The following P4HB variants were observed in gnomAD, a reference collection of about 807,000 sequenced individuals.
The protein encoded by P4HB is prolyl 4-hydroxylase subunit beta, also known as protein disulfide-isomerase.
Under a neutral mutation model 52.6 loss-of-function variants are expected in P4HB, and 20 were observed. The observed-to-expected ratio is 0.38, with a 90% CI of 0.27 to 0.55. The LOEUF is 0.55. Ranked by LOEUF, P4HB falls within the 20% of genes least tolerant of loss-of-function variation. The pLI is 0.74. For missense variants in P4HB, 601 were observed against 669.2 expected, an observed-to-expected ratio of 0.90 and a Z score of 1.12; for synonymous variants, 296 against 277.9, an observed-to-expected ratio of 1.07 and a Z score of -0.65.
intron 9 of P4HB, 130 bp from the exon 10 acceptor site, chr17:81,845,360 T>C (rs2038717658): frequency 1.1e-6 from 1 of 896,186 alleles, no homozygotes. Context: ...TCCAGCACAT[T>C]GGGAGTTCAA....
Position 81,859,563 on chromosome 17 carries a change from T to C in P4HB, c.146-176A>G, listed in dbSNP as rs2038964911. ...CTGATAGCCTGGTGTTCTTGGGCAA[T>C]ATCAGGACAGAGGCCGTGAACGACA... On this transcript the variant is annotated intron_variant, in intron 1 of 10. Transcript: ENST00000331483. 11 of 615,666 alleles carry C rather than the reference T, an allele frequency of 1.8e-5. No individual in the cohort carries two copies. In the South Asian group the frequency reaches 2.2e-4, roughly 12 times the overall value. The allele number at this position is 615,666 out of a possible 1,614,324, so 38.1% of individuals were successfully genotyped here. A position where few individuals can be genotyped will look rare whatever the true frequency, so the allele number is the denominator to read the frequency against.
intron 2 of P4HB, among the ~76,000 whole-genome samples, chr17:81,856,409 C>T (rs886996774): frequency 8.9e-5 from 13 of 146,832 alleles, no homozygotes; most frequent in Admixed American, 2.1e-4. Context: ...GTGATCTCGG[C>T]TCACTGCAAC....
At position 81,846,718 on chromosome 17, in the gene P4HB, G is replaced by A. The variant is rs1471039872; in HGVS notation, c.856-89C>T. ...TTTGCTCGGAAGCAGACCGTGCTCC[G>A]GTGCCTTTTTCCTCCAACCTGGATT... On this transcript the variant is annotated intron_variant, in intron 6 of 10. Transcript: ENST00000331483. The surrounding 1 kb of genome is among the most constrained non-coding windows in gnomAD (Gnocchi z 5.7). The A allele has an allele frequency of 1.2e-5, 16 of 1,381,106 alleles. No homozygotes were observed. Among genetic ancestry groups the A allele is most frequent in the South Asian group, 2.4e-5 (2 of 83,472 alleles). The allele number at this position is 1,381,106 out of a possible 1,614,324, so 85.6% of individuals were successfully genotyped here. A position where few individuals can be genotyped will look rare whatever the true frequency, so the allele number is the denominator to read the frequency against.
chr17:81,858,148 T>C (rs2038941302), intron 2 of P4HB, among the ~76,000 whole-genome samples: 2 of 150,134 alleles, frequency 1.3e-5, no homozygotes, highest in Admixed American at 1.3e-4. Flanking sequence ...GGTGCACACC[T>C]GTAGCCCCAG....
chr17:81,859,040 G>A (rs2143369859), intron 2 of P4HB, 141 bp downstream of exon 2: 1 of 699,606 alleles, frequency 1.4e-6, no homozygotes, highest in South Asian at 1.7e-5. Context: ...CAAGTGGACA[G>A]AGAACCCGGC....
intron 2 of P4HB, among the ~76,000 whole-genome samples, chr17:81,856,983 A>C (rs1389349266): frequency 6.6e-6 from 1 of 151,114 alleles, no homozygotes; most frequent in Non-Finnish European, 1.5e-5. Flanking sequence ...GGGTTTTGCC[A>C]CGTTGCCTAG....
chr17:81,858,153 C>T, intron 2 of P4HB, among the ~76,000 whole-genome samples: 1 of 150,716 alleles, frequency 6.6e-6, no homozygotes, highest in South Asian at 2.1e-4. Context: ...ACACCTGTAG[C>T]CCCAGCTACT....
In P4HB at chr17:81,846,140, G is replaced by C. The variant is rs2038732109; in HGVS notation, c.1057-149C>G. 5.4e-6 allele frequency: 6 copies of C among 1,120,412 alleles called. No individual in the cohort carries two copies. The highest frequency in any genetic ancestry group is 7.4e-6 in the Non-Finnish European group (6 of 812,142). The allele number at this position is 1,120,412 out of a possible 1,614,324, so 69.4% of individuals were successfully genotyped here. A position where few individuals can be genotyped will look rare whatever the true frequency, so the allele number is the denominator to read the frequency against. On this transcript the variant is annotated intron_variant, in intron 7 of 10. Transcript: ENST00000331483. This position sits in a 1 kb window ranked among gnomAD's most constrained non-coding sequence, Gnocchi z 5.7. ...AGACACCAACAGTGCCAAGAATCCAGAAAGAGAAGGCTGGGCCAGTGGGCT... is the reference window on the plus strand; with the variant it reads ...AGACACCAACAGTGCCAAGAATCCACAAAGAGAAGGCTGGGCCAGTGGGCT...
intron 9 of P4HB, 23 bp from the exon 10 acceptor site, chr17:81,845,253 C>T (rs202137171): frequency 1.3e-6 from 2 of 1,582,826 alleles, no homozygotes; most frequent in South Asian, 1.1e-5. Context: ...GGGATGAGTG[C>T]AGGGGCTGGT....
chr17:81,848,993 C>A (rs777085792), intron 4 of P4HB, among the ~76,000 whole-genome samples: 4 of 151,660 alleles, frequency 2.6e-5, no homozygotes, highest in Non-Finnish European at 5.9e-5. Context: ...TTGCAGTGAG[C>A]CAAGATCGTG....
At position 81,846,519 on chromosome 17, in the gene P4HB, C is replaced by T; in HGVS notation, c.966G>A (p.Glu322=). 1 of 1,614,080 alleles carries T rather than the reference C, an allele frequency of 6.2e-7. No individual in the cohort carries two copies. Among genetic ancestry groups the T allele is most frequent in the Non-Finnish European group, 8.5e-7 (1 of 1,180,026 alleles). Residue 322 remains glutamate, a synonymous_variant, in exon 7 of 11, where the codon GAG becomes GAA. Transcript: ENST00000331483. The surrounding 1 kb of genome is among the most constrained non-coding windows in gnomAD (Gnocchi z 5.7). ...ATTCGGGCTTGTACTTGGTCATCTC[C>T]TCCTCCAGGGTGATGAGGCGCACGG... is the stretch of plus-strand genomic sequence containing the variant. ...CPAVRLITLE[E]EMTKYKPESE... is the part of the protein sequence containing the mutation.
At position 81,845,267 on chromosome 17, in the gene P4HB, G is replaced by A. The variant is rs183573659; in HGVS notation, c.1360-37C>T. The stretch of plus-strand genomic sequence containing the variant: ...AGGGATGAGTGCAGGGGCTGGTCCC[G>A]GCCCAGAGCCAATCTCCTGGCATTG... On this transcript the variant is annotated intron_variant, in intron 9 of 10. Coordinates refer to ENST00000331483, the MANE Select transcript of P4HB (RefSeq NM_000918.4). The A allele has an allele frequency of 1.6e-3, 2,456 of 1,521,464 alleles. 6 individuals are homozygous for A. The highest frequency in any genetic ancestry group is 2.0e-3 in the Non-Finnish European group (2,205 of 1,100,124). 94.2% of individuals were successfully genotyped at this position (1,521,464 alleles called of 1,614,324 possible). A position where few individuals can be genotyped will look rare whatever the true frequency, so the allele number is the denominator to read the frequency against.
rs893284431 is a variant in P4HB at position 81,843,278 on chromosome 17, G to C, written c.*734C>G. ...AGCATCCTTGGCCACCTCCCCACCC[G>C]GGAGTCAAGGGTCGTGGTTCTGCCT... On this transcript the variant is annotated 3_prime_UTR_variant, in exon 11 of 11. Coordinates refer to ENST00000331483, the MANE Select transcript of P4HB (RefSeq NM_000918.4). The C allele has an allele frequency of 2.6e-6, 1 of 390,582 alleles. No individual in the cohort carries two copies. The highest frequency in any genetic ancestry group is 2.1e-5 in the African/African-American group (1 of 48,622). 24.2% of individuals were successfully genotyped at this position (390,582 alleles called of 1,614,324 possible). A position where few individuals can be genotyped will look rare whatever the true frequency, so the allele number is the denominator to read the frequency against.
Position 81,855,847 on chromosome 17 carries a change from A to AT in P4HB, c.353-262dup, listed in dbSNP as rs983278737. ...CTCTGAATAACAGGATCACAAACCCATTTTTTTTCTCTGATCTCTCTGCAT... is the reference window on the plus strand; with the variant it reads ...CTCTGAATAACAGGATCACAAACCCATTTTTTTTTCTCTGATCTCTCTGCAT... On this transcript the variant is annotated intron_variant, in intron 2 of 10. Coordinates refer to ENST00000331483, the MANE Select transcript of P4HB (RefSeq NM_000918.4). This position sits in a 1 kb window ranked among gnomAD's most constrained non-coding sequence, Gnocchi z 4.3. 73 of 410,388 alleles carry AT rather than the reference A, an allele frequency of 1.8e-4. No individual in the cohort carries two copies. The highest frequency in any genetic ancestry group is 1.0e-3 in the African/African-American group (49 of 48,588). The allele number at this position is 410,388 out of a possible 1,614,324, so 25.4% of individuals were successfully genotyped here. A position where few individuals can be genotyped will look rare whatever the true frequency, so the allele number is the denominator to read the frequency against.
At chr17:81,853,521 C>G (rs2038865645) in intron 4 of P4HB, among the ~76,000 whole-genome samples, 1 of 151,820 alleles carries the variant, frequency 6.6e-6, no homozygotes, top group East Asian at 1.9e-4. Context: ...TTGCAGTGAG[C>G]TGAGATCGCG....
At chr17:81,849,719 G>C (rs937812173) in intron 4 of P4HB, among the ~76,000 whole-genome samples, 1 of 152,164 alleles carries the variant, frequency 6.6e-6, no homozygotes, top group African/African-American at 2.4e-5. Flanking sequence ...ATGCGGCCTC[G>C]GCTCAGGCTC....
chr17:81,849,683 C>T (rs1476448506), intron 4 of P4HB, among the ~76,000 whole-genome samples: 1 of 152,182 alleles, frequency 6.6e-6, no homozygotes, highest in Non-Finnish European at 1.5e-5. Flanking sequence ...GCGCCCCAAC[C>T]ACGAGGGGTC....
rs545284019 is a variant in P4HB at position 81,859,579 on chromosome 17, G to A, written c.146-192C>T. On this transcript the variant is annotated intron_variant, in intron 1 of 10. Transcript: ENST00000331483. ...CTTGGGCAATATCAGGACAGAGGCC[G>A]TGAACGACAAACTACCACCAACCAA... The A allele has an allele frequency of 1.5e-4, 89 of 593,150 alleles. No homozygotes were observed. The African/African-American group carries it at 1.6e-3, about 11-fold the overall frequency. The allele number at this position is 593,150 out of a possible 1,614,324, so 36.7% of individuals were successfully genotyped here. A position where few individuals can be genotyped will look rare whatever the true frequency, so the allele number is the denominator to read the frequency against.
chr17:81,849,629 G>A (rs976592835), intron 4 of P4HB, among the ~76,000 whole-genome samples: 4 of 152,064 alleles, frequency 2.6e-5, no homozygotes, highest in East Asian at 1.9e-4. Flanking sequence ...AATAATGCAC[G>A]GCAGCTTCAG....
Sources: gnomAD v4.1 joint callset for allele counts (sites outside exome capture counted in the v4.1 genomes callset) on GRCh38, gnomAD v4.1.1 for gene constraint, Gnocchi (gnomAD v3.1) non-coding constraint, MANE v1.5 for transcripts, NCBI Gene and HGNC (gene_info 2026-07-23, HGNC 2026-07-21) for gene names.